The following AHNAK variants were observed in gnomAD, a reference collection of about 807,000 sequenced individuals.
AHNAK encodes the protein neuroblast differentiation-associated protein AHNAK.
In AHNAK, 23 loss-of-function variants were observed where a neutral mutation model predicts 37.8. The observed-to-expected ratio is 0.61, with a 90% confidence interval of 0.44 to 0.86. The LOEUF (loss-of-function observed/expected upper bound fraction) is 0.86. Ranked by LOEUF, AHNAK falls within the 40% of genes least tolerant of loss-of-function variation. AHNAK has a pLI of 0.00. For synonymous variants in AHNAK, 2,481 were observed against 2,636.3 expected (o/e 0.94, Z 1.80); for missense variants, 7,411 against 7,319.4 (o/e 1.01, Z -0.46).
chr11:62,442,915 G>A (rs988560233), intron 5 of AHNAK, among the ~76,000 whole-genome samples: 2 of 152,006 alleles, frequency 1.3e-5, no homozygotes, highest in African/African-American at 4.8e-5. Context: ...AGAATGGCAT[G>A]TGGATGAGGA....
intron 5 of AHNAK, among the ~76,000 whole-genome samples, chr11:62,462,227 C>A (rs1295378862): frequency 6.6e-5 from 10 of 152,070 alleles, no homozygotes; most frequent in Non-Finnish European, 1.2e-4. Context: ...CACCCTCCAC[C>A]CGCTGGGCCT....
At position 62,519,812 on chromosome 11, in the gene AHNAK, C is replaced by A; in HGVS notation, c.14605G>T (p.Val4869Leu). 6.2e-7 allele frequency: 1 copy of A among 1,614,180 alleles called. No individual in the cohort carries two copies. The highest frequency in any genetic ancestry group is 1.3e-5 in the African/African-American group (1 of 75,056). ...KGPKVKGDFD[V>L]SVPKVEGTLK... ...GTCCCTTCAACCTTAGGGACAGACA[C>A]ATCAAAATCTCCTTTTACTTTGGGT... Residue 4869 changes from valine to leucine, a missense_variant, in exon 5 of 5, where the codon GTG (valine) becomes TTG (leucine). Coordinates refer to ENST00000378024, the MANE Select transcript of AHNAK (RefSeq NM_001620.3).
chr11:62,534,184 A>C, intron 4 of AHNAK, 110 bp from the exon 5 acceptor site: 1 of 1,199,306 alleles, frequency 8.3e-7, no homozygotes. Flanking sequence ...AGAAGCTGGG[A>C]CCAAAACAGA....
intron 5 of AHNAK, among the ~76,000 whole-genome samples, chr11:62,487,122 G>A (rs1371132927): frequency 6.6e-6 from 1 of 152,242 alleles, no homozygotes; most frequent in Non-Finnish European, 1.5e-5. Context: ...TCTGGTGACA[G>A]CTTAGGTGAC....
In AHNAK at chr11:62,521,929, A is replaced by C. The variant is rs755738333; in HGVS notation, c.12488T>G (p.Val4163Gly). 1.2e-6 allele frequency: 2 copies of C among 1,613,314 alleles called. No individual in the cohort carries two copies. The highest frequency in any genetic ancestry group is 1.7e-6 in the Non-Finnish European group (2 of 1,179,838). ...KVEGDLKGPE[V>G]DIKGPKVDID... ...GTCCACTTTGGGGCCCTTGATGTCAACTTCAGGGCCCTTGAGGTCGCCTTC... is the reference window on the plus strand; with the variant it reads ...GTCCACTTTGGGGCCCTTGATGTCACCTTCAGGGCCCTTGAGGTCGCCTTC... The change falls in exon 5 of 5, where the codon GTT becomes GGT. Residue 4163 changes from valine to glycine, a missense_variant. Val to Gly is a moderately radical substitution (Grantham distance 109, BLOSUM62 -3). Transcript: ENST00000378024.
In AHNAK at chr11:62,520,540, T is replaced by C; in HGVS notation, c.13877A>G (p.Glu4626Gly). 6.2e-7 allele frequency: 1 copy of C among 1,614,186 alleles called. No individual in the cohort carries two copies. The change falls in exon 5 of 5, where the codon GAA becomes GGA. Residue 4626 changes from glutamate to glycine, a missense_variant. Transcript: ENST00000378024. ...CACTTTGGGGTCCCTGATGTCAACT[T>C]CGGGGCCCTTGAGGTCGCCTTCCAC... The part of the protein sequence containing the change: ...PKVEGDLKGP[E>G]VDIRDPKVDI...
At chr11:62,436,785 A>G (rs955921005) in intron 5 of AHNAK, among the ~76,000 whole-genome samples, 3 of 152,134 alleles carry the variant, frequency 2.0e-5, no homozygotes, top group Non-Finnish European at 4.4e-5. Context: ...AAATACAAAA[A>G]AAAATTAGCC....
intron 4 of AHNAK, among the ~76,000 whole-genome samples, chr11:62,510,044 T>TTTTG (rs140209456): frequency 0.012 from 1,807 of 151,506 alleles, 32 homozygotes; most frequent in African/African-American, 0.035. Flanking sequence ...TGTATTGGAG[T>TTTTG]TTTGTTTGTT....
downstream of AHNAK, among the ~76,000 whole-genome samples, chr11:62,511,430 T>TA (rs1274545927): frequency 2.6e-5 from 4 of 151,934 alleles, no homozygotes; most frequent in Admixed American, 1.3e-4. Flanking sequence ...TTTTTATATA[T>TA]TTTTTAGTAG....
At chr11:62,468,867 C>G (rs2134842478) in intron 5 of AHNAK, among the ~76,000 whole-genome samples, 1 of 152,342 alleles carries the variant, frequency 6.6e-6, no homozygotes, top group Non-Finnish European at 1.5e-5. Context: ...TTCTCTGTTT[C>G]TGCTTTCCTC....
intron 1 of AHNAK, among the ~76,000 whole-genome samples, chr11:62,543,972 C>G (rs1420621158): frequency 1.3e-5 from 2 of 152,162 alleles, no homozygotes; most frequent in African/African-American, 2.4e-5. Context: ...CGGTCTGTCT[C>G]TCTGTCTGTC....
downstream of AHNAK, chr11:62,515,840 C>T: frequency 9.4e-7 from 1 of 1,061,684 alleles, no homozygotes; most frequent in South Asian, 2.7e-5. Flanking sequence ...ACACTCACAG[C>T]TGGCTGTGCA....
At chr11:62,474,274 TC>T (rs1372512830) in intron 5 of AHNAK, among the ~76,000 whole-genome samples, 1 of 150,872 alleles carries the variant, frequency 6.6e-6, no homozygotes, top group African/African-American at 2.4e-5. Context: ...AACCTCCACC[TC>T]CCAGGTTCAA....
intron 4 of AHNAK, among the ~76,000 whole-genome samples, chr11:62,499,960 CTGCTCCTGGG>C (rs1421655571): frequency 6.6e-6 from 1 of 152,246 alleles, no homozygotes; most frequent in Non-Finnish European, 1.5e-5. Context: ...GGAGAGCCTG[CTGCTCCTGGG>C]TGCCCTCACT....
intron 5 of AHNAK, among the ~76,000 whole-genome samples, chr11:62,441,505 A>G (rs1024587146): frequency 2.0e-5 from 3 of 151,510 alleles, no homozygotes; most frequent in Non-Finnish European, 4.4e-5. Flanking sequence ...ATTTTATATT[A>G]TTTTATTTTT....
In AHNAK at chr11:62,531,067, C is replaced by T. The variant is rs1455777987; in HGVS notation, c.3350G>A (p.Gly1117Asp). 1 of 1,613,036 alleles carries T rather than the reference C, an allele frequency of 6.2e-7. No homozygotes were observed. Among genetic ancestry groups the T allele is most frequent in the African/African-American group, 1.3e-5 (1 of 74,526 alleles). The change falls in exon 5 of 5, where the codon GGC becomes GAC. Residue 1117 changes from glycine (G) to aspartate (D), a missense_variant. Gly to Asp is a moderately conservative substitution (Grantham distance 94). Coordinates refer to ENST00000378024, the MANE Select transcript of AHNAK (RefSeq NM_001620.3). Reference protein sequence around the residue: ...KVDIKAPDVEGQGLDWSLKIP... With the variant: ...KVDIKAPDVEDQGLDWSLKIP... ...TTTCAGGCTCCAGTCCAGGCCTTGG[C>T]CTTCCACATCTGGTGCTTTAATATC...
intron 5 of AHNAK, among the ~76,000 whole-genome samples, chr11:62,457,908 A>ATTTTTTTT (rs373610508): frequency 8.1e-6 from 1 of 123,516 alleles, no homozygotes; most frequent in African/African-American, 3.1e-5. Context: ...GAGAAGCTGA[A>ATTTTTTTT]TTTTTTTTTT....
rs773578519 is a variant in AHNAK, at chr11:62,528,340, T to C, written c.6077A>G (p.Lys2026Arg). Residue 2026 changes from lysine to arginine, a missense_variant, in exon 5 of 5, where the codon AAA (lysine) becomes AGA (arginine). Transcript: ENST00000378024. The part of the protein sequence containing the change: ...GEMKVPDVDI[K>R]GPKMDIDAPD... ...GGCATCAATGTCCATTTTGGGTCCT[T>C]TGATGTCAACATCTGGCACTTTCAT... The C allele has an allele frequency of 6.8e-6, 11 of 1,613,706 alleles. No homozygotes were observed. In the East Asian group the frequency reaches 1.1e-4, roughly 16 times the overall value.
intron 5 of AHNAK, among the ~76,000 whole-genome samples, chr11:62,469,649 G>T (rs997283685): frequency 6.6e-6 from 1 of 151,630 alleles, no homozygotes; most frequent in Non-Finnish European, 1.5e-5. Context: ...TGTATTTTTA[G>T]TAGAGATGGG....
Sources: allele counts gnomAD v4.1 joint callset (sites outside exome capture counted in the v4.1 genomes callset), GRCh38; gene constraint gnomAD v4.1.1; transcripts MANE v1.5; gene names NCBI Gene and HGNC (gene_info 2026-07-23, HGNC 2026-07-21).